LIMCH1: variants seen among roughly 807,000 people sequenced by gnomAD.
LIMCH1 encodes the protein LIM and calponin homology domains 1, also known as LIM and calponin homology domains-containing protein 1.
In LIMCH1, 113 loss-of-function variants were observed where a neutral mutation model predicts 176.5. The ratio of observed to expected loss-of-function variants is 0.64; its 90% CI spans 0.55 to 0.75. The LOEUF is 0.75. Among genes scored for constraint, LIMCH1 ranks in the 30% least tolerant of loss-of-function variants. The pLI, the probability that LIMCH1 is intolerant of heterozygous loss-of-function variation, is 0.00. For missense variants in LIMCH1, 1,674 were observed against 1,814.9 expected, an observed-to-expected ratio of 0.92 and a Z score of 1.41; for synonymous variants, 619 against 645.9, an observed-to-expected ratio of 0.96 and a Z score of 0.63.
At chr4:41,500,163 C>CT (rs1485995562) in intron 2 of LIMCH1, among the ~76,000 whole-genome samples, 1 of 152,114 alleles carries the variant, frequency 6.6e-6, no homozygotes, top group Non-Finnish European at 1.5e-5. Context: ...GTTAATATGC[C>CT]TTTTCTATTT....
chr4:41,524,657 G>T (rs1359473076), intron 3 of LIMCH1, among the ~76,000 whole-genome samples: 2 of 152,172 alleles, frequency 1.3e-5, no homozygotes, highest in African/African-American at 4.8e-5. Flanking sequence ...TGCCTAAATG[G>T]CATGTTAATC....
chr4:41,557,546 CTGTGTGTGTGTG>C (rs34757433), intron 1 of LIMCH1, among the ~76,000 whole-genome samples: 4 of 147,732 alleles, frequency 2.7e-5, no homozygotes, highest in East Asian at 4.0e-4. Context: ...TTTATTGCCT[CTGTGTGTGTGTG>C]TGTGTGTGTG....
At chr4:41,524,659 A>G (rs2076448733) in intron 3 of LIMCH1, among the ~76,000 whole-genome samples, 1 of 152,226 alleles carries the variant, frequency 6.6e-6, no homozygotes. Context: ...CCTAAATGGC[A>G]TGTTAATCTT....
At chr4:41,390,707 T>C (rs931796927) in intron 1 of LIMCH1, among the ~76,000 whole-genome samples, 1 of 152,202 alleles carries the variant, frequency 6.6e-6, no homozygotes, top group African/African-American at 2.4e-5. Context: ...ACTTGAATAG[T>C]TAGGTACTCA....
At position 41,682,381 on chromosome 4, in the gene LIMCH1, T is replaced by C. The variant is rs550261595; in HGVS notation, c.3766T>C (p.Trp1256Arg). The C allele has an allele frequency of 6.2e-7, 1 of 1,613,002 alleles. No homozygotes were observed. The highest frequency in any genetic ancestry group is 1.7e-5 in the Admixed American group (1 of 59,988). ...NCQDEKQDRR[W>R]KKSFQGDDSD... ...TCAAGATGAAAAACAAGACAGAAGA[T>C]GGAAGAAATCATTCCAGGGAGATGA... Residue 1256 changes from tryptophan (W) to arginine (R), a missense_variant, in exon 26 of 32, where the codon TGG becomes CGG. Physicochemically the swap from Trp to Arg is moderately radical, Grantham distance 101 (BLOSUM62 -3). Coordinates refer to ENST00000503057, the MANE Select transcript of LIMCH1 (RefSeq NM_001330672.2).
chr4:41,576,650 G>C (rs1584364526), intron 1 of LIMCH1, among the ~76,000 whole-genome samples: 2 of 152,134 alleles, frequency 1.3e-5, no homozygotes, highest in African/African-American at 4.8e-5. Flanking sequence ...GTTTATGTCT[G>C]TTCTGCAGTA....
chr4:41,496,949 G>A (rs1167965780), intron 2 of LIMCH1, among the ~76,000 whole-genome samples: 3 of 152,182 alleles, frequency 2.0e-5, no homozygotes, highest in African/African-American at 7.2e-5. Context: ...GTGATTAGGA[G>A]TCTAATTCAT....
At chr4:41,393,860 A>G (rs563714883) in intron 1 of LIMCH1, among the ~76,000 whole-genome samples, 3 of 152,324 alleles carry the variant, frequency 2.0e-5, no homozygotes, top group Non-Finnish European at 4.4e-5. Context: ...ATGTATCTTT[A>G]TCCTCTGGCT....
chr4:41,421,313 A>G (rs1561318432), intron 1 of LIMCH1, among the ~76,000 whole-genome samples: 3 of 152,176 alleles, frequency 2.0e-5, no homozygotes, highest in African/African-American at 7.2e-5. Flanking sequence ...CAAGACTTAA[A>G]TGGCGGGGAG....
chr4:41,495,191 C>G (rs1172306882), intron 2 of LIMCH1, among the ~76,000 whole-genome samples: 3 of 152,152 alleles, frequency 2.0e-5, no homozygotes, highest in African/African-American at 7.2e-5. Flanking sequence ...AGCCTTCGTA[C>G]TTATAAAGAC....
At chr4:41,616,240 G>C (rs2092056134) in intron 5 of LIMCH1, among the ~76,000 whole-genome samples, 1 of 152,014 alleles carries the variant, frequency 6.6e-6, no homozygotes, top group Admixed American at 6.6e-5. Flanking sequence ...AGGGTTGGGG[G>C]TGTGTACGGC....
In LIMCH1 at chr4:41,520,593, G is replaced by A. The variant is rs147828514; in HGVS notation, c.168-3816G>A. Among the ~76,000 whole-genome samples the A allele has an allele frequency of 2.4e-3, 372 of 152,230 alleles. 2 individuals are homozygous for A. Among genetic ancestry groups the A allele is most frequent in the South Asian group, 0.013 (64 of 4,824 alleles). On this transcript the variant is annotated intron_variant, in intron 2 of 26. Transcript: ENST00000313860. ...AAAGAACAAGAACTTTGCTTGTCTT[G>A]TTCACTGTTGCCCTTCCTGTGCCTA...
At chr4:41,453,460 G>C (rs1437114990) in intron 1 of LIMCH1, 1 of 152,148 alleles carries the variant, frequency 6.6e-6, no homozygotes, top group African/African-American at 2.4e-5. Flanking sequence ...CTAAAGAAAA[G>C]AAAATGTTCT....
rs571306232 is a variant in LIMCH1 at position 41,432,951 on chromosome 4, C to T, written c.97-61585C>T. Among the ~76,000 whole-genome samples, 9 of 152,232 alleles carry T rather than the reference C, an allele frequency of 5.9e-5. No individual in the cohort carries two copies. In the East Asian group the frequency reaches 1.7e-3, roughly 29 times the overall value. ...ACAGCATCTCTCAAAGGGTTAATAC[C>T]CTGGAATTTCACACTTAACAATCGG... is the stretch of plus-strand genomic sequence containing the variant. On this transcript the variant is annotated intron_variant, in intron 1 of 26. Transcript: ENST00000313860.
chr4:41,609,522 C>A, intron 4 of LIMCH1: 1 of 406,582 alleles, frequency 2.5e-6, no homozygotes, highest in South Asian at 1.9e-5. Context: ...GGGTGAGCCA[C>A]CTTACAAATC....
At chr4:41,404,828 G>A (rs1313861275) in intron 1 of LIMCH1, among the ~76,000 whole-genome samples, 1 of 152,062 alleles carries the variant, frequency 6.6e-6, no homozygotes, top group Non-Finnish European at 1.5e-5. Flanking sequence ...TGGAGGCAAG[G>A]ACCCAATATG....
chr4:41,487,918 CT>C (rs11325771), intron 1 of LIMCH1, among the ~76,000 whole-genome samples: 40,932 of 142,676 alleles, frequency 0.29, 5,859 homozygotes, highest in Admixed American at 0.36. Context: ...TCCCAAAGTG[CT>C]TTTTTTTTTT....
chr4:41,378,006 A>T (rs532477365), intron 1 of LIMCH1, among the ~76,000 whole-genome samples: 7 of 152,228 alleles, frequency 4.6e-5, no homozygotes, highest in Non-Finnish European at 7.3e-5. Flanking sequence ...TACACACTTA[A>T]GTCATAGCAC....
In LIMCH1 at chr4:41,546,246, C is replaced by T. The variant is rs565987690; in HGVS notation, c.-241+7896C>T. ...CTCCACCTCCCTGGTTCAAGCAATT[C>T]TCCTGCCTCACCCTCCCAAGTAGCT... On this transcript the variant is annotated intron_variant, in intron 1 of 31. Transcript: ENST00000503057. 9.2e-5 allele frequency among the ~76,000 whole-genome samples: 14 copies of T among 152,198 alleles called. No individual in the cohort carries two copies. The East Asian group carries it at 2.1e-3, about 23-fold the overall frequency.
Sources: gnomAD v4.1 joint callset for allele counts (sites outside exome capture counted in the v4.1 genomes callset) on GRCh38, gnomAD v4.1.1 for gene constraint, MANE v1.5 for transcripts, NCBI Gene and HGNC (gene_info 2026-07-23, HGNC 2026-07-21) for gene names.